Variants in MYPN observed in about 807,000 individuals in gnomAD.
MYPN encodes sarcomeric protein myopalladin, 145 kDa (MYOP).
Under a neutral mutation model 129.4 loss-of-function variants are expected in MYPN, and 63 were observed. That is an observed-to-expected ratio of 0.49 (90% CI 0.40 to 0.60). MYPN has a LOEUF of 0.60. Ranked by LOEUF, MYPN falls within the 20% of genes least tolerant of loss-of-function variation. MYPN has a pLI of 0.00. For missense variants in MYPN, 1,596 were observed against 1,635.4 expected, an observed-to-expected ratio of 0.98 and a Z score of 0.42; for synonymous variants, 629 against 600.9, an observed-to-expected ratio of 1.05 and a Z score of -0.68.
chr10:68,136,386 C>A, intron 2 of MYPN: 1 of 861,256 alleles, frequency 1.2e-6, no homozygotes, highest in South Asian at 4.5e-5. Context: ...GAGGATTTGG[C>A]GTTCTAAAAA....
intron 2 of MYPN, among the ~76,000 whole-genome samples, chr10:68,135,872 A>G (rs1439605254): frequency 6.6e-6 from 1 of 152,108 alleles, no homozygotes; most frequent in Admixed American, 6.5e-5. Flanking sequence ...AAATAAATAT[A>G]TAATTATAAA....
intron 3 of MYPN, 127 bp downstream of exon 3, chr10:68,143,242 A>G: frequency 1.2e-6 from 1 of 843,532 alleles, no homozygotes; most frequent in African/African-American, 1.7e-5. Flanking sequence ...CAGTGAACCG[A>G]GTAGAACAAA....
intron 12 of MYPN, among the ~76,000 whole-genome samples, chr10:68,177,851 CT>C (rs1460403257): frequency 6.6e-6 from 1 of 152,156 alleles, no homozygotes; most frequent in Non-Finnish European, 1.5e-5. Context: ...GCTTTGAAAA[CT>C]TTTAGGTCCA....
intron 2 of MYPN, among the ~76,000 whole-genome samples, chr10:68,124,211 C>T (rs2042293018): frequency 6.6e-6 from 1 of 152,164 alleles, no homozygotes; most frequent in African/African-American, 2.4e-5. Context: ...CCAGCGTTAG[C>T]CCCTAGGGTA....
intron 19 of MYPN, among the ~76,000 whole-genome samples, chr10:68,208,115 T>C (rs2043846831): frequency 6.6e-6 from 1 of 152,258 alleles, no homozygotes; most frequent in Middle Eastern, 3.2e-3. Context: ...TGACATTAAC[T>C]GGTATTTTTA....
At chr10:68,201,500 C>T (rs2134308825) in intron 17 of MYPN, among the ~76,000 whole-genome samples, 1 of 152,240 alleles carries the variant, frequency 6.6e-6, no homozygotes, top group Non-Finnish European at 1.5e-5. Flanking sequence ...GGCACAGTGG[C>T]TTATGCCTGT....
chr10:68,152,977 A>ATTTTATTTAT (rs1554843416), intron 6 of MYPN, among the ~76,000 whole-genome samples: 28 of 147,702 alleles, frequency 1.9e-4, no homozygotes, highest in African/African-American at 6.7e-4. Flanking sequence ...ATTTTATTTT[A>ATTTTATTTAT]TTTATTTTAT....
chr10:68,090,449 G>A (rs2133933080), intron 1 of MYPN, among the ~76,000 whole-genome samples: 1 of 152,270 alleles, frequency 6.6e-6, no homozygotes, highest in South Asian at 2.1e-4. Context: ...ACAGGCGTGA[G>A]CCACCGCGCC....
Position 68,145,485 on chromosome 10 carries a change from T to C in MYPN, c.1089T>C (p.Ser363=), listed in dbSNP as rs1589553096. ...TTTTTATTTTTCCAGGGGTTTCTTC[T>C]TCTGACTCAGAAGGCGACCCTAACA... The part of the protein sequence containing the change: ...SAEIYIEGVS[S]SDSEGDPNKE... Residue 363 remains serine, a synonymous_variant, in exon 4 of 20, where the codon TCT becomes TCC. Coordinates refer to ENST00000358913, the MANE Select transcript of MYPN (RefSeq NM_032578.4). 6.2e-7 allele frequency: 1 copy of C among 1,613,488 alleles called. No individual in the cohort carries two copies. The highest frequency in any genetic ancestry group is 8.5e-7 in the Non-Finnish European group (1 of 1,179,572).
At chr10:68,096,045 A>G (rs1242793804) in intron 1 of MYPN, among the ~76,000 whole-genome samples, 2 of 152,248 alleles carry the variant, frequency 1.3e-5, no homozygotes, top group East Asian at 3.8e-4. Flanking sequence ...TTATGCTAAG[A>G]TAGTTCATTA....
At chr10:68,145,039 T>C (rs1020795243) in intron 3 of MYPN, among the ~76,000 whole-genome samples, 1 of 152,082 alleles carries the variant, frequency 6.6e-6, no homozygotes, top group African/African-American at 2.4e-5. Flanking sequence ...TTTTTTTTTT[T>C]TTGAGACGGA....
chr10:68,096,082 G>A (rs113112384), intron 1 of MYPN, among the ~76,000 whole-genome samples: 1 of 152,178 alleles, frequency 6.6e-6, no homozygotes, highest in East Asian at 1.9e-4. Context: ...TTCAGAGATC[G>A]ATAAAAGATA....
intron 12 of MYPN, among the ~76,000 whole-genome samples, chr10:68,182,471 T>TATA (rs780542025): frequency 9.6e-6 from 1 of 104,666 alleles, no homozygotes; most frequent in African/African-American, 3.5e-5. Context: ...ATAACATATA[T>TATA]ACACACACAC....
chr10:68,171,743 A>G (rs1434383260), intron 10 of MYPN, among the ~76,000 whole-genome samples: 1 of 152,356 alleles, frequency 6.6e-6, no homozygotes, highest in Middle Eastern at 3.4e-3. Context: ...TTTCCAAGTC[A>G]GTGATGCACT....
In MYPN at chr10:68,165,694, G is replaced by C; in HGVS notation, c.1484-8G>C. On this transcript the variant is annotated splice_region_variant and splice_polypyrimidine_tract_variant and intron_variant, in intron 8 of 19. Transcript: ENST00000358913. ...AGTCAGTAACCATTCTGTTTCACTG[G>C]CATATAGAGGAGATTTGCACCTTGG... The C allele has an allele frequency of 1.2e-6, 2 of 1,602,424 alleles. No individual in the cohort carries two copies. Among genetic ancestry groups the C allele is most frequent in the Non-Finnish European group, 1.7e-6 (2 of 1,169,358 alleles).
intron 3 of MYPN, 129 bp downstream of exon 3, chr10:68,143,244 T>A: frequency 1.2e-6 from 1 of 831,318 alleles, no homozygotes; most frequent in Admixed American, 2.3e-5. Flanking sequence ...GTGAACCGAG[T>A]AGAACAAAAA....
In MYPN at chr10:68,161,516, A is replaced by G. The variant is rs1235211712; in HGVS notation, c.1460-213A>G. ...GGCAACAAGAGTGAAACTCAGTCTC[A>G]AAAAAAAAAAAAAAAGTTTTTGCTC... On this transcript the variant is annotated intron_variant, in intron 7 of 19. Transcript: ENST00000358913. 6.1e-5 allele frequency among the ~76,000 whole-genome samples: 6 copies of G among 97,936 alleles called. No individual in the cohort carries two copies. In the South Asian group the frequency reaches 1.2e-3, roughly 20 times the overall value. 64.2% of individuals were successfully genotyped at this position (97,936 alleles called of 152,430 possible). A position where few individuals can be genotyped will look rare whatever the true frequency, so the allele number is the denominator to read the frequency against.
At position 68,178,727 on chromosome 10, in the gene MYPN, A is replaced by AAT. The variant is rs397772398; in HGVS notation, c.2703+3266_2703+3267insAT. Among the ~76,000 whole-genome samples the AAT allele has an allele frequency of 1.1e-3, 167 of 150,926 alleles. 3 individuals carry two copies. The highest frequency in any genetic ancestry group is 3.9e-3 in the African/African-American group (160 of 41,086). ...GACTCTGCCTCAAAAAAAAAAAAAA[A>AAT]GGAATCCAGGATCACAAAGCATAAT... is the stretch of plus-strand genomic sequence containing the variant. On this transcript the variant is annotated intron_variant, in intron 12 of 19. Transcript: ENST00000358913.
At chr10:68,156,349 A>G (rs952259594) in intron 6 of MYPN, among the ~76,000 whole-genome samples, 14 of 152,122 alleles carry the variant, frequency 9.2e-5, no homozygotes, top group Non-Finnish European at 1.6e-4. Context: ...GGACATACTC[A>G]CCAGTTTGCC....
Sources: allele counts gnomAD v4.1 joint callset (sites outside exome capture counted in the v4.1 genomes callset), GRCh38; gene constraint gnomAD v4.1.1; transcripts MANE v1.5; gene names NCBI Gene and HGNC (gene_info 2026-07-23, HGNC 2026-07-21).